LHFPL6: variants seen among roughly 807,000 people sequenced by gnomAD.
LHFPL6 encodes the protein LHFPL tetraspan subfamily member 6, also known as LHFPL tetraspan subfamily member 6 protein.
In LHFPL6, 9 loss-of-function variants were observed where a neutral mutation model predicts 20.6. The observed-to-expected ratio is 0.44, with a 90% CI of 0.26 to 0.76. The LOEUF is 0.76. LHFPL6 is among the 30% of genes least tolerant of loss of function. LHFPL6 has a pLI of 0.20. For synonymous variants in LHFPL6, 105 were observed against 98.7 expected (o/e 1.06, Z -0.38); for missense variants, 218 against 253.5 (o/e 0.86, Z 0.95).
chr13:39,557,175 T>A (rs966059833), intron 2 of LHFPL6, among the ~76,000 whole-genome samples: 3 of 152,092 alleles, frequency 2.0e-5, no homozygotes, highest in African/African-American at 7.2e-5. Context: ...GCCACTCCCA[T>A]CACAAACCCA....
At chr13:39,494,814 C>T (rs577636839) in intron 2 of LHFPL6, among the ~76,000 whole-genome samples, 39 of 152,238 alleles carry the variant, frequency 2.6e-4, no homozygotes, top group South Asian at 1.7e-3. Context: ...AGAATTGTGC[C>T]GTGCCAAAAT....
intron 2 of LHFPL6, among the ~76,000 whole-genome samples, chr13:39,514,724 A>C (rs1481139866): frequency 2.0e-5 from 3 of 152,236 alleles, no homozygotes; most frequent in African/African-American, 7.2e-5. Context: ...AGGGAAGCAA[A>C]ACACTGAATT....
At chr13:39,446,943 C>T (rs1057220581) in intron 2 of LHFPL6, among the ~76,000 whole-genome samples, 18 of 152,140 alleles carry the variant, frequency 1.2e-4, no homozygotes, top group African/African-American at 4.1e-4. Context: ...AACTGGTTCA[C>T]AGGGAGATTG....
At chr13:39,483,588 G>A (rs1175033717) in intron 2 of LHFPL6, among the ~76,000 whole-genome samples, 2 of 149,334 alleles carry the variant, frequency 1.3e-5, no homozygotes, top group Non-Finnish European at 2.9e-5. Flanking sequence ...ACAGTGTTTT[G>A]CTATAGATTC....
Position 39,601,088 on chromosome 13 carries a change from G to C in LHFPL6, c.129C>G (p.Ser43=). 6.2e-7 allele frequency: 1 copy of C among 1,614,212 alleles called. No homozygotes were observed. The highest frequency in any genetic ancestry group is 8.5e-7 in the Non-Finnish European group (1 of 1,180,044). ...LWGSQLGKPV[S]FGTFRRCSYP... ...ATGAGCACCTCCGGAAGGTACCGAA[G>C]GACACAGGCTTGCCCAGCTGTGATC... The change falls in exon 2 of 4, where the codon TCC becomes TCG. Residue 43 remains serine (S), a synonymous_variant. Coordinates refer to ENST00000379589, the MANE Select transcript of LHFPL6 (RefSeq NM_005780.3).
rs903342111 is a variant in LHFPL6, at chr13:39,555,931, G to A, written c.385+44901C>T. Among the ~76,000 whole-genome samples, 7 of 152,118 alleles carry A rather than the reference G, an allele frequency of 4.6e-5. No individual in the cohort carries two copies. The East Asian group carries it at 1.4e-3, about 29-fold the overall frequency. On this transcript the variant is annotated intron_variant, in intron 2 of 3. Transcript: ENST00000379589. ...ATGGCTTAGTACCATCCCCTTGGTG[G>A]TAAGTGAGTTCTCACTCAATTAGTT...
chr13:39,431,717 T>TGGGGG (rs34788149), intron 2 of LHFPL6, among the ~76,000 whole-genome samples: 4 of 95,982 alleles, frequency 4.2e-5, no homozygotes, highest in African/African-American at 1.6e-4. Context: ...GTAGAATTTG[T>TGGGGG]GGGGGGGGGG....
intron 3 of LHFPL6, among the ~76,000 whole-genome samples, chr13:39,358,888 A>G (rs1209687522): frequency 6.6e-6 from 1 of 152,192 alleles, no homozygotes; most frequent in African/African-American, 2.4e-5. Flanking sequence ...AAGTGAAAAA[A>G]TAGACTGGGT....
At chr13:39,583,379 T>C (rs1872349812) in intron 2 of LHFPL6, among the ~76,000 whole-genome samples, 1 of 152,050 alleles carries the variant, frequency 6.6e-6, no homozygotes, top group South Asian at 2.1e-4. Context: ...TTTGCCATGT[T>C]GCCCAGGCTG....
chr13:39,518,979 G>GT (rs1286186507), intron 2 of LHFPL6, among the ~76,000 whole-genome samples: 1 of 152,256 alleles, frequency 6.6e-6, no homozygotes, highest in East Asian at 1.9e-4. Flanking sequence ...GCTCACACCT[G>GT]TAATTCCAGA....
chr13:39,461,049 C>T (rs1037090665), intron 2 of LHFPL6, among the ~76,000 whole-genome samples: 1 of 152,180 alleles, frequency 6.6e-6, no homozygotes, highest in African/African-American at 2.4e-5. Context: ...CATGTTTACT[C>T]AATGTTTAGC....
chr13:39,525,859 A>C lies in LHFPL6; in HGVS notation c.385+74973T>G, dbSNP rs548509880. Among the ~76,000 whole-genome samples the C allele has an allele frequency of 6.6e-5, 6 of 91,094 alleles. No homozygotes were observed. In the East Asian group the frequency reaches 1.7e-3, roughly 26 times the overall value. The allele number at this position is 91,094 out of a possible 152,430, so 59.8% of individuals were successfully genotyped here. A position where few individuals can be genotyped will look rare whatever the true frequency, so the allele number is the denominator to read the frequency against. On this transcript the variant is annotated intron_variant, in intron 2 of 3. Coordinates refer to ENST00000379589, the MANE Select transcript of LHFPL6 (RefSeq NM_005780.3). ...ATAAAAAGTCTTGAGGTTACAGATA[A>C]TTTTTCCTTTTTTTTTTCTTTTTTA...
At chr13:39,567,549 G>C (rs1048175247) in intron 2 of LHFPL6, among the ~76,000 whole-genome samples, 1 of 151,978 alleles carries the variant, frequency 6.6e-6, no homozygotes, top group African/African-American at 2.4e-5. Context: ...GCCACATAAG[G>C]TTTTCTTCCT....
chr13:39,413,948 TC>T (rs2138389908), intron 2 of LHFPL6, among the ~76,000 whole-genome samples: 1 of 152,344 alleles, frequency 6.6e-6, no homozygotes, highest in South Asian at 2.1e-4. Context: ...CTTCTTTGAC[TC>T]AAATTTATGT....
chr13:39,477,575 T>C (rs924664940), intron 2 of LHFPL6, among the ~76,000 whole-genome samples: 6 of 152,198 alleles, frequency 3.9e-5, no homozygotes, highest in Non-Finnish European at 7.3e-5. Context: ...GAGAGTTCTA[T>C]GTGTTAACCA....
intron 2 of LHFPL6, among the ~76,000 whole-genome samples, chr13:39,536,496 C>T (rs1870623101): frequency 6.6e-6 from 1 of 152,150 alleles, no homozygotes; most frequent in South Asian, 2.1e-4. Flanking sequence ...CTGCCCAACT[C>T]ATGGCTCTCC....
intron 2 of LHFPL6, among the ~76,000 whole-genome samples, chr13:39,515,724 T>C (rs201912424): frequency 6.6e-6 from 1 of 152,150 alleles, no homozygotes; most frequent in East Asian, 1.9e-4. Context: ...TAACATTGTC[T>C]TCCCTGCCAT....
At chr13:39,428,711 G>A (rs968370180) in intron 2 of LHFPL6, among the ~76,000 whole-genome samples, 4 of 151,850 alleles carry the variant, frequency 2.6e-5, no homozygotes, top group Middle Eastern at 6.8e-3. Context: ...GATTTCTATT[G>A]TGACATTTAT....
chr13:39,518,630 G>A (rs189279973), intron 2 of LHFPL6, among the ~76,000 whole-genome samples: 1 of 152,224 alleles, frequency 6.6e-6, no homozygotes, highest in East Asian at 1.9e-4. Context: ...GAAACTCAGG[G>A]TTGGAAGCAT....
Sources: gnomAD v4.1 joint callset for allele counts (sites outside exome capture counted in the v4.1 genomes callset) on GRCh38, gnomAD v4.1.1 for gene constraint, MANE v1.5 for transcripts, NCBI Gene and HGNC (gene_info 2026-07-23, HGNC 2026-07-21) for gene names.